KCNMA1: variants seen among roughly 807,000 people sequenced by gnomAD.
The protein encoded by KCNMA1 is potassium calcium-activated channel subfamily M alpha 1, also known as Calcium-activated potassium channel subunit alpha-1.
In KCNMA1, 29 loss-of-function variants were observed where a neutral mutation model predicts 140.0. The observed-to-expected ratio is 0.21, with a 90% CI of 0.15 to 0.28. The LOEUF (loss-of-function observed/expected upper bound fraction) is 0.28. KCNMA1 is among the 10% of genes least tolerant of loss of function. The pLI is 1.00. For synonymous variants in KCNMA1, 612 were observed against 611.9 expected, an observed-to-expected ratio of 1.00 and a Z score of 0.00; for missense variants, 880 against 1,602.2, an observed-to-expected ratio of 0.55 and a Z score of 7.70.
intron 1 of KCNMA1, among the ~76,000 whole-genome samples, chr10:77,462,699 G>T (rs776496583): frequency 6.6e-6 from 1 of 152,190 alleles, no homozygotes; most frequent in East Asian, 1.9e-4. Context: ...AGAGAGTCCC[G>T]CCCACCCACA....
chr10:77,293,494 G>A (rs1215093879), intron 2 of KCNMA1, among the ~76,000 whole-genome samples: 1 of 152,180 alleles, frequency 6.6e-6, no homozygotes, highest in African/African-American at 2.4e-5. Flanking sequence ...ACTCTAAGGG[G>A]CATTGTGGGT....
chr10:76,940,725 C>T (rs1343776384), intron 23 of KCNMA1, among the ~76,000 whole-genome samples: 1 of 151,932 alleles, frequency 6.6e-6, no homozygotes, highest in African/African-American at 2.4e-5. Context: ...CTTTGGGAGG[C>T]CAAGGTGAGT....
chr10:77,305,103 C>T (rs1341922580), intron 2 of KCNMA1, among the ~76,000 whole-genome samples: 1 of 152,138 alleles, frequency 6.6e-6, no homozygotes, highest in African/African-American at 2.4e-5. Context: ...CTGAGAAGCA[C>T]CATGTCTGAA....
intron 11 of KCNMA1, 32 bp downstream of exon 11, chr10:77,086,456 A>C (rs1349513637): frequency 8.6e-6 from 13 of 1,507,454 alleles, no homozygotes; most frequent in Non-Finnish European, 1.1e-5. Context: ...ACCAAGATGG[A>C]ATAAAAGCAG....
chr10:77,063,828 G>T, intron 14 of KCNMA1: 1 of 985,356 alleles, frequency 1.0e-6, no homozygotes, highest in Non-Finnish European at 1.2e-6. Context: ...ATACCCAGGT[G>T]GACTCAGGAA....
chr10:77,563,186 C>T (rs2673476), intron 1 of KCNMA1, among the ~76,000 whole-genome samples: 109,756 of 151,630 alleles, frequency 0.72, 40,203 homozygotes, highest in South Asian at 0.86. Flanking sequence ...TCAAGCTTTC[C>T]AACTAGCACT....
intron 1 of KCNMA1, among the ~76,000 whole-genome samples, chr10:77,507,981 A>G (rs566655967): frequency 6.8e-4 from 103 of 152,346 alleles, no homozygotes; most frequent in Non-Finnish European, 2.6e-4. Context: ...GACCAACAAT[A>G]GGGAGATGGT....
chr10:77,523,212 C>CCA (rs1267470345), intron 1 of KCNMA1, among the ~76,000 whole-genome samples: 1 of 150,382 alleles, frequency 6.6e-6, no homozygotes, highest in Non-Finnish European at 1.5e-5. Flanking sequence ...TGCCCCCCCC[C>CCA]CTTGCAATCA....
rs2096191910 is a variant in KCNMA1 at position 77,399,558 on chromosome 10, G to A, written c.540+4304C>T. Among the ~76,000 whole-genome samples the A allele has an allele frequency of 2.6e-5, 4 of 152,262 alleles. No individual in the cohort carries two copies. In the South Asian group the frequency reaches 8.3e-4, roughly 32 times the overall value. On this transcript the variant is annotated intron_variant, in intron 2 of 27. Coordinates refer to ENST00000286628, the MANE Select transcript of KCNMA1 (RefSeq NM_001161352.2). ...GCTCTGTCCAGTCCTGCTGTTTTTG[G>A]CCAGTTGAGCCTGAGTGCCAGGGTG... is the stretch of plus-strand genomic sequence containing the variant.
intron 2 of KCNMA1, among the ~76,000 whole-genome samples, chr10:77,269,038 G>A (rs1334353174): frequency 9.9e-5 from 15 of 152,138 alleles, no homozygotes; most frequent in African/African-American, 4.8e-5. Context: ...CACTGCACAA[G>A]GGCAGAGTCC....
At chr10:77,267,990 G>A (rs752999391) in intron 2 of KCNMA1, among the ~76,000 whole-genome samples, 1 of 152,196 alleles carries the variant, frequency 6.6e-6, no homozygotes, top group Non-Finnish European at 1.5e-5. Context: ...AAGTGAATAT[G>A]CCTAAGGAGA....
At chr10:77,327,396 C>T (rs1378369980) in intron 2 of KCNMA1, among the ~76,000 whole-genome samples, 2 of 151,906 alleles carry the variant, frequency 1.3e-5, no homozygotes, top group African/African-American at 4.8e-5. Flanking sequence ...CTGTCACACC[C>T]AGGCTGGAAT....
Position 77,575,483 on chromosome 10 carries a change from C to T in KCNMA1, c.378+61782G>A, listed in dbSNP as rs570205354. The stretch of plus-strand genomic sequence containing the variant: ...CTCCAAAACGGGAATCTTGGCTGCA[C>T]CTTTCTGGACAGATGGAAGCCCACT... On this transcript the variant is annotated intron_variant, in intron 1 of 27. Transcript: ENST00000286628. Among the ~76,000 whole-genome samples, 8 of 152,298 alleles carry T rather than the reference C, an allele frequency of 5.3e-5. No individual in the cohort carries two copies. The East Asian group carries it at 1.4e-3, about 26-fold the overall frequency.
chr10:76,921,604 A>T (rs2055807131), intron 23 of KCNMA1, among the ~76,000 whole-genome samples: 1 of 152,238 alleles, frequency 6.6e-6, no homozygotes, highest in Non-Finnish European at 1.5e-5. Context: ...GCTCCAATAA[A>T]TGAGGCATCT....
intron 2 of KCNMA1, among the ~76,000 whole-genome samples, chr10:77,397,603 CT>C (rs778150680): frequency 6.6e-6 from 1 of 152,186 alleles, no homozygotes; most frequent in Non-Finnish European, 1.5e-5. Context: ...TCTCTACCCC[CT>C]ATTTCTATAA....
intron 3 of KCNMA1, among the ~76,000 whole-genome samples, chr10:77,242,957 C>G (rs553007502): frequency 1.3e-5 from 2 of 151,844 alleles, no homozygotes; most frequent in African/African-American, 4.8e-5. Context: ...TTCTCTCCCT[C>G]TCTCTCTTTT....
chr10:77,331,352 T>A (rs1333222069), intron 2 of KCNMA1, among the ~76,000 whole-genome samples: 2 of 152,116 alleles, frequency 1.3e-5, no homozygotes, highest in African/African-American at 4.8e-5. Context: ...CAACCATGGG[T>A]CAGTGAAACA....
intron 23 of KCNMA1, among the ~76,000 whole-genome samples, chr10:76,931,873 T>C (rs1209257151): frequency 6.6e-6 from 1 of 152,216 alleles, no homozygotes; most frequent in Non-Finnish European, 1.5e-5. Context: ...CATCATCTAT[T>C]TTCTATGCAT....
rs2042018806 is a variant in KCNMA1, at chr10:76,895,289, A to G, written c.3148-3570T>C. Reference sequence around the variant, plus strand: ...GGAGTCTTGCCAATGCCGCTGGCCGAATAAACCTCTTCCTTCTTTAACTCG... The same window carrying G: ...GGAGTCTTGCCAATGCCGCTGGCCGGATAAACCTCTTCCTTCTTTAACTCG... On this transcript the variant is annotated intron_variant, in intron 25 of 27. Transcript: ENST00000286628. Among the ~76,000 whole-genome samples, 11 of 152,274 alleles carry G rather than the reference A, an allele frequency of 7.2e-5. No homozygotes were observed. The South Asian group carries it at 2.1e-3, about 29-fold the overall frequency.
Sources: gnomAD v4.1 joint callset for allele counts (sites outside exome capture counted in the v4.1 genomes callset) on GRCh38, gnomAD v4.1.1 for gene constraint, MANE v1.5 for transcripts, NCBI Gene and HGNC (gene_info 2026-07-23, HGNC 2026-07-21) for gene names.